The following SFRP1 variants were observed in gnomAD, a reference collection of about 807,000 sequenced individuals.
SFRP1 encodes the protein secreted frizzled-related protein 1.
Under a neutral mutation model 25.9 loss-of-function variants are expected in SFRP1, and 9 were observed. The ratio of observed to expected loss-of-function variants is 0.35; its 90% CI spans 0.21 to 0.61. The LOEUF (loss-of-function observed/expected upper bound fraction) is 0.61, where lower values mean the gene tolerates loss of function less well. Ranked by LOEUF, SFRP1 falls within the 20% of genes least tolerant of loss-of-function variation. The probability of loss-of-function intolerance (pLI) is 0.78; values close to 1 mark genes in which losing one functional copy is unlikely to be tolerated. For synonymous variants in SFRP1, 178 were observed against 174.0 expected (o/e 1.02, Z -0.18); for missense variants, 346 against 418.2 (o/e 0.83, Z 1.51).
In SFRP1 at chr8:41,265,399, A is replaced by G. The variant is rs758287049; in HGVS notation, c.713T>C (p.Ile238Thr). 1.2e-6 allele frequency: 2 copies of G among 1,613,800 alleles called. No homozygotes were observed. Among genetic ancestry groups the G allele is most frequent in the Non-Finnish European group, 1.7e-6 (2 of 1,179,998 alleles). ...AAGCTTCTTCAGGTCCTTCTTCTTG[A>G]TGGGCCCCAACTTCAGGGGCTTCTT... Reference protein sequence around the residue: ...KKKKPLKLGPIKKKDLKKLVL... With the variant: ...KKKKPLKLGPTKKKDLKKLVL... Residue 238 changes from isoleucine (I) to threonine (T), a missense_variant, in exon 3 of 3, where the codon ATC becomes ACC. Ile to Thr is a moderately conservative substitution (Grantham distance 89). Transcript: ENST00000220772.
intron 2 of SFRP1, among the ~76,000 whole-genome samples, chr8:41,270,429 G>T (rs1803489748): frequency 6.6e-6 from 1 of 152,118 alleles, no homozygotes; most frequent in African/African-American, 2.4e-5. Flanking sequence ...ATGCAGATAG[G>T]GATGCCAGTA....
chr8:41,294,165 G>A (rs1439405636), intron 2 of SFRP1, among the ~76,000 whole-genome samples: 1 of 152,124 alleles, frequency 6.6e-6, no homozygotes, highest in Non-Finnish European at 1.5e-5. Flanking sequence ...TGGCACAGCC[G>A]CCCTATGGAG....
chr8:41,284,850 GGCC>G (rs2117497998), intron 2 of SFRP1, among the ~76,000 whole-genome samples: 1 of 152,336 alleles, frequency 6.6e-6, no homozygotes, highest in Non-Finnish European at 1.5e-5. Flanking sequence ...CAGGCTGCAA[GGCC>G]AAGGCCGATG....
intron 2 of SFRP1, chr8:41,271,271 G>C (rs1185785077): frequency 6.5e-6 from 1 of 154,108 alleles, no homozygotes; most frequent in Middle Eastern, 5.2e-4. Flanking sequence ...ACAGTCAAGG[G>C]CTGGCAAGTA....
At chr8:41,271,031 G>A (rs1016197195) in intron 2 of SFRP1, 8 of 154,106 alleles carry the variant, frequency 5.2e-5, no homozygotes, top group African/African-American at 1.9e-4. Context: ...TCAGAGGATT[G>A]AGTGGTTTTT....
chr8:41,285,162 T>C (rs1358827135), intron 2 of SFRP1, among the ~76,000 whole-genome samples: 1 of 152,142 alleles, frequency 6.6e-6, no homozygotes, highest in Admixed American at 6.5e-5. Flanking sequence ...TAAAGCACAA[T>C]GGGATTTAAG....
At chr8:41,291,406 A>G (rs1245165550) in intron 2 of SFRP1, among the ~76,000 whole-genome samples, 1 of 152,042 alleles carries the variant, frequency 6.6e-6, no homozygotes, top group Non-Finnish European at 1.5e-5. Context: ...CCACAAAGAG[A>G]TTCGCCACTC....
intron 2 of SFRP1, among the ~76,000 whole-genome samples, chr8:41,302,746 A>G (rs1239224293): frequency 6.6e-6 from 1 of 152,026 alleles, no homozygotes; most frequent in Non-Finnish European, 1.5e-5. Flanking sequence ...ACTATAACAG[A>G]CCATCCCTGG....
At chr8:41,306,211 TTAA>T (rs1163189722) in intron 1 of SFRP1, among the ~76,000 whole-genome samples, 6 of 152,240 alleles carry the variant, frequency 3.9e-5, no homozygotes, top group African/African-American at 9.6e-5. Context: ...AGGTTTCTCC[TTAA>T]TAACACATGA....
intron 2 of SFRP1, among the ~76,000 whole-genome samples, chr8:41,269,656 TC>T (rs1342777427): frequency 6.6e-6 from 1 of 152,054 alleles, no homozygotes; most frequent in Non-Finnish European, 1.5e-5. Flanking sequence ...GAGTGGTGCC[TC>T]CAACCCTCCC....
chr8:41,288,867 A>C (rs889871708), intron 2 of SFRP1, among the ~76,000 whole-genome samples: 1 of 152,210 alleles, frequency 6.6e-6, no homozygotes, highest in Non-Finnish European at 1.5e-5. Context: ...AGAAGGGAAG[A>C]AGCAGCAGCT....
intron 2 of SFRP1, among the ~76,000 whole-genome samples, chr8:41,294,373 G>A (rs959006054): frequency 3.9e-5 from 6 of 152,184 alleles, no homozygotes; most frequent in African/African-American, 7.2e-5. Flanking sequence ...ACAAAGAGAA[G>A]AGAACACATC....
rs1238383831 is a variant in SFRP1 at position 41,309,034 on chromosome 8, G to A, written c.126C>T (p.Asp42=). 6.2e-7 allele frequency: 1 copy of A among 1,608,546 alleles called. No individual in the cohort carries two copies. The highest frequency in any genetic ancestry group is 8.5e-7 in the Non-Finnish European group (1 of 1,179,882). The change falls in exon 1 of 3, where the codon GAC becomes GAT. Residue 42 remains aspartate, a synonymous_variant. Transcript: ENST00000220772. ...SEYDYVSFQS[D]IGPYQSGRFY... is the part of the protein sequence containing the mutation. ...AGCGCCCGCTCTGGTACGGGCCGAT[G>A]TCCGACTGGAAGCTCACGTAGTCGT...
At chr8:41,302,751 C>A (rs867975960) in intron 2 of SFRP1, among the ~76,000 whole-genome samples, 9 of 152,140 alleles carry the variant, frequency 5.9e-5, no homozygotes, top group African/African-American at 2.2e-4. Flanking sequence ...AACAGACCAT[C>A]CCTGGAAGGC....
At chr8:41,286,151 A>T (rs1043263853) in intron 2 of SFRP1, among the ~76,000 whole-genome samples, 4 of 151,840 alleles carry the variant, frequency 2.6e-5, no homozygotes, top group South Asian at 4.2e-4. Context: ...TGAACCCAAG[A>T]GAGAGAAACA....
At chr8:41,278,429 C>A (rs577573942) in intron 2 of SFRP1, among the ~76,000 whole-genome samples, 1 of 152,208 alleles carries the variant, frequency 6.6e-6, no homozygotes. Flanking sequence ...TGGATCCCAG[C>A]GTAGCCATTT....
At chr8:41,307,756 T>C (rs568972756) in intron 1 of SFRP1, among the ~76,000 whole-genome samples, 3 of 152,332 alleles carry the variant, frequency 2.0e-5, no homozygotes, top group East Asian at 3.9e-4. Flanking sequence ...CAAGAATTGC[T>C]CTTTAAACAT....
At chr8:41,265,827 T>G (rs976666223) in intron 2 of SFRP1, among the ~76,000 whole-genome samples, 1 of 152,064 alleles carries the variant, frequency 6.6e-6, no homozygotes, top group Non-Finnish European at 1.5e-5. Flanking sequence ...AACCCAAGTG[T>G]ACAGCTGAGG....
At chr8:41,275,591 C>T (rs1803562358) in intron 2 of SFRP1, among the ~76,000 whole-genome samples, 1 of 151,838 alleles carries the variant, frequency 6.6e-6, no homozygotes, top group South Asian at 2.1e-4. Context: ...CAACCTCTGC[C>T]TCCTGGGTTC....
Sources: allele counts gnomAD v4.1 joint callset (sites outside exome capture counted in the v4.1 genomes callset), GRCh38; gene constraint gnomAD v4.1.1; transcripts MANE v1.5; gene names NCBI Gene and HGNC (gene_info 2026-07-23, HGNC 2026-07-21).